The following PDE5A variants were observed in gnomAD, a reference collection of about 807,000 sequenced individuals.
PDE5A encodes phosphodiesterase 5A.
A neutral mutation model predicts 110.2 loss-of-function variants in PDE5A; 67 were observed. The ratio of observed to expected loss-of-function variants is 0.61; its 90% CI spans 0.50 to 0.75. PDE5A has a LOEUF of 0.75. Ranked by LOEUF, PDE5A falls within the 30% of genes least tolerant of loss-of-function variation. The pLI is 0.00. For missense variants in PDE5A, 862 were observed against 1,045.1 expected, an observed-to-expected ratio of 0.82 and a Z score of 2.42; for synonymous variants, 328 against 351.2, an observed-to-expected ratio of 0.93 and a Z score of 0.74.
At chr4:119,567,974 C>A (rs1202883333) in intron 3 of PDE5A, among the ~76,000 whole-genome samples, 1 of 151,986 alleles carries the variant, frequency 6.6e-6, no homozygotes, top group African/African-American at 2.4e-5. Context: ...AAATATGTAT[C>A]TTTAGTTCTA....
intron 11 of PDE5A, among the ~76,000 whole-genome samples, chr4:119,533,342 A>G (rs1201595652): frequency 6.6e-6 from 1 of 152,162 alleles, no homozygotes; most frequent in African/African-American, 2.4e-5. Context: ...GTCTTTGAAT[A>G]AAGCCACCTT....
In PDE5A at chr4:119,627,373, G is replaced by C. The variant is rs550342815; in HGVS notation, c.152+1147C>G. On this transcript the variant is annotated intron_variant, in intron 1 of 20. Coordinates refer to ENST00000354960, the MANE Select transcript of PDE5A (RefSeq NM_001083.4). The surrounding 1 kb of genome is among the most constrained non-coding windows in gnomAD (Gnocchi z 4.6). ...CGCCGCCCCCTGGCGGGGAGCGACC[G>C]GCAGAGCCGCGGCCGCGCGCCGGCG... 255 of 937,842 alleles carry C rather than the reference G, an allele frequency of 2.7e-4. No individual in the cohort carries two copies. The African/African-American group carries it at 4.3e-3, about 16-fold the overall frequency. The allele number at this position is 937,842 out of a possible 1,614,324, so 58.1% of individuals were successfully genotyped here.
chr4:119,535,132 A>G (rs1349137310), intron 11 of PDE5A, among the ~76,000 whole-genome samples: 2 of 152,170 alleles, frequency 1.3e-5, no homozygotes, highest in African/African-American at 4.8e-5. Flanking sequence ...CAGATATCCA[A>G]TGAAAGAGCA....
chr4:119,547,243 T>C (rs1040119319), intron 9 of PDE5A, among the ~76,000 whole-genome samples: 1 of 151,862 alleles, frequency 6.6e-6, no homozygotes, highest in African/African-American at 2.4e-5. Context: ...TAATTCCTAT[T>C]TGCTACACTG....
intron 3 of PDE5A, among the ~76,000 whole-genome samples, chr4:119,591,455 T>C (rs1257048657): frequency 6.6e-6 from 1 of 152,168 alleles, no homozygotes; most frequent in Non-Finnish European, 1.5e-5. Flanking sequence ...GTGGTAAAGA[T>C]GGGATTCAAG....
chr4:119,587,209 A>T (rs535871752), intron 3 of PDE5A, among the ~76,000 whole-genome samples: 1 of 144,916 alleles, frequency 6.9e-6, no homozygotes, highest in Admixed American at 7.5e-5. Context: ...AAATGCAGTG[A>T]ACGATTTGTA....
At position 119,495,471 on chromosome 4, in the gene PDE5A, TGTTAA is replaced by T. The variant is rs1578711650; in HGVS notation, c.*3125_*3129del. 1 of 152,484 alleles carries T rather than the reference TGTTAA, an allele frequency of 6.6e-6. No individual in the cohort carries two copies. The highest frequency in any genetic ancestry group is 2.4e-5 in the African/African-American group (1 of 41,430). The allele number at this position is 152,484 out of a possible 1,614,324, so 9.4% of individuals were successfully genotyped here. ...CAAAAGACAATTGCTTGTGATGGCC[TGTTAA>T]GTTTTAGGAGTACAATCTGGTGAAA... is the stretch of plus-strand genomic sequence containing the variant. On this transcript the variant is annotated 3_prime_UTR_variant, in exon 21 of 21. Coordinates refer to ENST00000354960, the MANE Select transcript of PDE5A (RefSeq NM_001083.4).
Position 119,498,707 on chromosome 4 carries a change from G to A in PDE5A, c.2522C>T (p.Pro841Leu), listed in dbSNP as rs749053188. The A allele has an allele frequency of 5.6e-6, 9 of 1,613,878 alleles. No individual in the cohort carries two copies. The highest frequency in any genetic ancestry group is 1.3e-5 in the African/African-American group (1 of 74,992). Residue 841 changes from proline (P) to leucine (L), a missense_variant, in exon 21 of 21, where the codon CCT (proline) becomes CTT (leucine). Coordinates refer to ENST00000354960, the MANE Select transcript of PDE5A (RefSeq NM_001083.4). ...ALTHVSEDCF[P>L]LLDGCRKNRQ... ...GTTCTTTCTGCAGCCATCTAGCAAA[G>A]GGAAACAGTCCTCTGACACGTGGGT... is the stretch of plus-strand genomic sequence containing the variant.
At position 119,525,513 on chromosome 4, in the gene PDE5A, C is replaced by G; in HGVS notation, c.1779+36G>C. The stretch of plus-strand genomic sequence containing the variant: ...TCTCTTACATACACACACACATACA[C>G]ATAGACTTTTCCAAAGGATGTTGCT... On this transcript the variant is annotated intron_variant, in intron 12 of 20. Coordinates refer to ENST00000354960, the MANE Select transcript of PDE5A (RefSeq NM_001083.4). The surrounding 1 kb of genome is among the most constrained non-coding windows in gnomAD (Gnocchi z 4.3). 1 of 1,603,338 alleles carries G rather than the reference C, an allele frequency of 6.2e-7. No individual in the cohort carries two copies. Among genetic ancestry groups the G allele is most frequent in the African/African-American group, 1.3e-5 (1 of 74,674 alleles).
chr4:119,594,235 C>T (rs1449125389), intron 3 of PDE5A, among the ~76,000 whole-genome samples: 2 of 152,156 alleles, frequency 1.3e-5, no homozygotes, highest in Admixed American at 6.5e-5. Context: ...CCATCCTACT[C>T]ACTTCTTCCT....
At chr4:119,579,622 T>C (rs1416810650) in intron 3 of PDE5A, among the ~76,000 whole-genome samples, 3 of 149,462 alleles carry the variant, frequency 2.0e-5, no homozygotes, top group Admixed American at 6.7e-5. Flanking sequence ...TTCTCACTCA[T>C]AGGTGGGAAT....
intron 3 of PDE5A, among the ~76,000 whole-genome samples, chr4:119,579,018 A>C (rs1302297631): frequency 5.9e-5 from 9 of 152,060 alleles, no homozygotes; most frequent in Non-Finnish European, 1.3e-4. Context: ...CCCATCAAAA[A>C]GTGGGTGAAG....
chr4:119,542,257 C>T (rs1284221662), intron 10 of PDE5A, among the ~76,000 whole-genome samples: 1 of 152,128 alleles, frequency 6.6e-6, no homozygotes, highest in African/African-American at 2.4e-5. Flanking sequence ...GGTTATATGA[C>T]ATTTGACAAG....
chr4:119,619,831 T>C (rs72922545), intron 1 of PDE5A, among the ~76,000 whole-genome samples: 3,073 of 152,334 alleles, frequency 0.02, 112 homozygotes, highest in African/African-American at 0.07. Context: ...GAGTAAATAA[T>C]GCACCTAAAG....
At chr4:119,533,922 T>G (rs919936746) in intron 11 of PDE5A, among the ~76,000 whole-genome samples, 5 of 152,178 alleles carry the variant, frequency 3.3e-5, no homozygotes, top group Non-Finnish European at 5.9e-5. Context: ...CTATGGTGTT[T>G]AGAACTATAC....
At chr4:119,555,052 C>T (rs780490027) in intron 7 of PDE5A, among the ~76,000 whole-genome samples, 4 of 152,170 alleles carry the variant, frequency 2.6e-5, no homozygotes, top group Non-Finnish European at 5.9e-5. Context: ...CAACCTGACC[C>T]AGCTGCTTCT....
intron 11 of PDE5A, chr4:119,538,697 G>T: frequency 2.7e-6 from 1 of 363,666 alleles, no homozygotes. Context: ...GGAACTAAAA[G>T]AAAAGTAAAT....
At chr4:119,559,929 G>T (rs1727688232) in intron 7 of PDE5A, among the ~76,000 whole-genome samples, 1 of 152,150 alleles carries the variant, frequency 6.6e-6, no homozygotes, top group Non-Finnish European at 1.5e-5. Context: ...AAGGCTTAAA[G>T]TCAGGTCTAC....
At chr4:119,593,818 G>C (rs1729062671) in intron 3 of PDE5A, among the ~76,000 whole-genome samples, 1 of 152,184 alleles carries the variant, frequency 6.6e-6, no homozygotes, top group Admixed American at 6.5e-5. Context: ...TTGACACACA[G>C]TTCCTCATTG....
Sources: allele counts gnomAD v4.1 joint callset (sites outside exome capture counted in the v4.1 genomes callset), GRCh38; gene constraint gnomAD v4.1.1; non-coding constraint Gnocchi (gnomAD v3.1); transcripts MANE v1.5; gene names NCBI Gene and HGNC (gene_info 2026-07-23, HGNC 2026-07-21).